Variants in TRDN observed in about 807,000 individuals in gnomAD.
TRDN encodes triadin in skeletal muscle.
In TRDN, 161 loss-of-function variants were observed where a neutral mutation model predicts 149.7. The observed-to-expected ratio is 1.08, with a 90% CI of 0.95 to 1.23. The LOEUF (loss-of-function observed/expected upper bound fraction) is 1.23, where lower values mean the gene tolerates loss of function less well. TRDN is among the 50% of genes most tolerant of loss of function. TRDN has a pLI of 0.00. For synonymous variants in TRDN, 294 were observed against 250.5 expected (o/e 1.17, Z -1.64); for missense variants, 896 against 823.5 (o/e 1.09, Z -1.08).
At chr6:123,631,001 C>T (rs1042148497) in intron 1 of TRDN, among the ~76,000 whole-genome samples, 1 of 151,862 alleles carries the variant, frequency 6.6e-6, no homozygotes, top group African/African-American at 2.4e-5. Flanking sequence ...AGTAAAACTC[C>T]ATGCACTTAC....
At chr6:123,509,268 T>C (rs9375259) in intron 7 of TRDN, among the ~76,000 whole-genome samples, 126,305 of 151,806 alleles carry the variant, frequency 0.83, 52,730 homozygotes, top group East Asian at 0.88. Context: ...TCAAGATGGC[T>C]CCCAGTGACT....
chr6:123,232,688 T>C (rs1340667105), intron 38 of TRDN, among the ~76,000 whole-genome samples: 1 of 151,966 alleles, frequency 6.6e-6, no homozygotes, highest in African/African-American at 2.4e-5. Flanking sequence ...CTTCTTGATA[T>C]GAGAATGGGA....
chr6:123,492,828 A>G (rs1306842299), intron 9 of TRDN, among the ~76,000 whole-genome samples: 1 of 152,160 alleles, frequency 6.6e-6, no homozygotes, highest in African/African-American at 2.4e-5. Context: ...TTCTCTTATG[A>G]GTAAGTGACA....
At chr6:123,485,022 T>C (rs545985987) in intron 9 of TRDN, among the ~76,000 whole-genome samples, 1 of 152,332 alleles carries the variant, frequency 6.6e-6, no homozygotes, top group Admixed American at 6.5e-5. Context: ...GTGACTAGAA[T>C]GTTTAATGGA....
In TRDN at chr6:123,393,656, G is replaced by A; in HGVS notation, c.1073C>T (p.Thr358Ile). 6.2e-7 allele frequency: 1 copy of A among 1,606,738 alleles called. No individual in the cohort carries two copies. The highest frequency in any genetic ancestry group is 8.5e-7 in the Non-Finnish European group (1 of 1,176,020). The change falls in exon 13 of 41, where the codon ACC becomes ATC. Residue 358 changes from threonine to isoleucine, a missense_variant. Physicochemically the swap from Thr to Ile is moderately conservative, Grantham distance 89 (BLOSUM62 -1). Coordinates refer to ENST00000334268, the MANE Select transcript of TRDN (RefSeq NM_006073.4). ...TGCAATTTTTACAGTCCCTTGTTTGGTTTCAGAAGCTTTTCCCGGCTCTTG... is the reference window on the plus strand; with the variant it reads ...TGCAATTTTTACAGTCCCTTGTTTGATTTCAGAAGCTTTTCCCGGCTCTTG... ...EKKEPGKASE[T>I]KQGTVKIAAQ... is the part of the protein sequence containing the mutation.
chr6:123,465,063 C>A (rs1036588744), intron 9 of TRDN, 80 bp from the exon 10 acceptor site: 12 of 1,407,492 alleles, frequency 8.5e-6, no homozygotes, highest in Admixed American at 2.3e-5. Context: ...CTAGATCTGT[C>A]CCCTACATGC....
chr6:123,328,205 T>A (rs1287252176), intron 23 of TRDN, among the ~76,000 whole-genome samples: 2 of 152,178 alleles, frequency 1.3e-5, no homozygotes, highest in East Asian at 3.9e-4. Flanking sequence ...GTATCAAGAA[T>A]CTAAATCTTC....
chr6:123,606,972 G>A (rs1178181070), intron 1 of TRDN, among the ~76,000 whole-genome samples: 4 of 152,094 alleles, frequency 2.6e-5, no homozygotes, highest in Non-Finnish European at 5.9e-5. Flanking sequence ...GTTGCCTCTG[G>A]GAGTCCCCCC....
chr6:123,318,300 A>C (rs1779108676), intron 23 of TRDN, among the ~76,000 whole-genome samples: 1 of 151,942 alleles, frequency 6.6e-6, no homozygotes, highest in Admixed American at 6.6e-5. Flanking sequence ...TTTTTTCTGG[A>C]GTACTTATGG....
intron 1 of TRDN, among the ~76,000 whole-genome samples, chr6:123,624,168 G>A (rs541083857): frequency 4.6e-5 from 7 of 152,124 alleles, no homozygotes; most frequent in South Asian, 4.2e-4. Flanking sequence ...ATCACTCAGG[G>A]GGTCAGACTT....
At chr6:123,472,149 C>T (rs1048433710) in intron 9 of TRDN, among the ~76,000 whole-genome samples, 2 of 152,188 alleles carry the variant, frequency 1.3e-5, no homozygotes, top group African/African-American at 2.4e-5. Flanking sequence ...CGGGTGATTT[C>T]TGCATTTCCA....
chr6:123,532,977 T>C (rs1463309408), intron 4 of TRDN, among the ~76,000 whole-genome samples: 1 of 151,988 alleles, frequency 6.6e-6, no homozygotes, highest in East Asian at 1.9e-4. Flanking sequence ...TTTTGCTTGC[T>C]CCCTCGTCTC....
At chr6:123,478,970 A>T (rs1486250522) in intron 9 of TRDN, among the ~76,000 whole-genome samples, 1 of 152,208 alleles carries the variant, frequency 6.6e-6, no homozygotes, top group Non-Finnish European at 1.5e-5. Context: ...ACAATAAACA[A>T]CTTAAAGCCA....
At chr6:123,322,107 T>G (rs1287540956) in intron 23 of TRDN, among the ~76,000 whole-genome samples, 1 of 152,188 alleles carries the variant, frequency 6.6e-6, no homozygotes, top group Non-Finnish European at 1.5e-5. Flanking sequence ...TGACACTTCA[T>G]GCATTCTCTA....
chr6:123,310,324 T>C (rs368550337), intron 24 of TRDN, among the ~76,000 whole-genome samples: 1 of 152,022 alleles, frequency 6.6e-6, no homozygotes, highest in South Asian at 2.1e-4. Flanking sequence ...TAGATTGAGG[T>C]CTGCAGCTGT....
chr6:123,393,490 T>C, intron 13 of TRDN, 134 bp downstream of exon 13: 1 of 785,836 alleles, frequency 1.3e-6, no homozygotes, highest in Non-Finnish European at 2.0e-6. Flanking sequence ...CTGTGTATTT[T>C]CATTCAACAA....
chr6:123,553,240 CA>C (rs1288946955), intron 2 of TRDN, among the ~76,000 whole-genome samples: 1 of 152,164 alleles, frequency 6.6e-6, no homozygotes, highest in Non-Finnish European at 1.5e-5. Flanking sequence ...AAGTGCTACA[CA>C]ACTGGTGTTT....
intron 1 of TRDN, among the ~76,000 whole-genome samples, chr6:123,620,747 T>C (rs985281747): frequency 3.3e-5 from 5 of 152,142 alleles, no homozygotes; most frequent in African/African-American, 1.2e-4. Context: ...CCTGAAGTTG[T>C]CACCTTTTAA....
At chr6:123,266,999 C>G (rs932636205) in intron 32 of TRDN, among the ~76,000 whole-genome samples, 1 of 142,452 alleles carries the variant, frequency 7.0e-6, no homozygotes, top group Non-Finnish European at 1.5e-5. Flanking sequence ...CCCAGCTACT[C>G]GGGAGGCTGA....
Sources: gnomAD v4.1 joint callset for allele counts (sites outside exome capture counted in the v4.1 genomes callset) on GRCh38, gnomAD v4.1.1 for gene constraint, MANE v1.5 for transcripts, NCBI Gene and HGNC (gene_info 2026-07-23, HGNC 2026-07-21) for gene names.